The following PRTFDC1 variants were observed in gnomAD, a reference collection of about 807,000 sequenced individuals.
The protein encoded by PRTFDC1 is phosphoribosyltransferase domain-containing protein 1.
Under a neutral mutation model 34.6 loss-of-function variants are expected in PRTFDC1, and 38 were observed. That is an observed-to-expected ratio of 1.10 (90% CI 0.85 to 1.44). PRTFDC1 has a LOEUF of 1.44. Ranked by LOEUF, PRTFDC1 falls within the 40% of genes most tolerant of loss-of-function variation. The probability of loss-of-function intolerance (pLI) is 0.00; values close to 1 mark genes in which losing one functional copy is unlikely to be tolerated. For missense variants in PRTFDC1, 270 were observed against 283.0 expected (o/e 0.95, Z 0.33); for synonymous variants, 93 against 98.1 (o/e 0.95, Z 0.31).
chr10:24,923,123 G>A (rs534703626), intron 3 of PRTFDC1, among the ~76,000 whole-genome samples: 1 of 152,336 alleles, frequency 6.6e-6, no homozygotes, highest in South Asian at 2.1e-4. Context: ...TGAGGCTTCA[G>A]TATGTAAACA....
chr10:24,952,568 C>G lies in PRTFDC1; in HGVS notation c.8G>C (p.Gly3Ala), dbSNP rs763317523. 1.9e-6 allele frequency: 3 copies of G among 1,591,200 alleles called. No homozygotes were observed. The highest frequency in any genetic ancestry group is 2.6e-6 in the Non-Finnish European group (3 of 1,168,876). The change falls in exon 1 of 9, where the codon GGG becomes GCG. Residue 3 changes from glycine (G) to alanine (A), a missense_variant. Coordinates refer to ENST00000320152, the MANE Select transcript of PRTFDC1 (RefSeq NM_020200.7). The surrounding 1 kb of genome is among the most constrained non-coding windows in gnomAD (Gnocchi z 5.1). ...GTAGTCTGGCGCCTCCTCGCTGCTCCCGGCCATGTTTCTCCCGGGGAACGC... is the reference window on the plus strand; with the variant it reads ...GTAGTCTGGCGCCTCCTCGCTGCTCGCGGCCATGTTTCTCCCGGGGAACGC... MA[G>A]SSEEAPDYGR...
intron 3 of PRTFDC1, among the ~76,000 whole-genome samples, chr10:24,897,183 C>T (rs1848381880): frequency 6.6e-6 from 1 of 152,018 alleles, no homozygotes; most frequent in Non-Finnish European, 1.5e-5. Context: ...ATACTCCAGC[C>T]TGACAGAGCA....
intron 1 of PRTFDC1, among the ~76,000 whole-genome samples, chr10:24,949,936 G>A (rs542859677): frequency 2.0e-5 from 3 of 152,078 alleles, no homozygotes; most frequent in African/African-American, 7.2e-5. Context: ...GTTTTACGAT[G>A]TTGGTCAGGA....
chr10:24,938,573 C>T (rs539308914), intron 2 of PRTFDC1, among the ~76,000 whole-genome samples: 1 of 152,332 alleles, frequency 6.6e-6, no homozygotes, highest in South Asian at 2.1e-4. Context: ...AAATGGTCAC[C>T]TTGGTGGCAG....
intron 3 of PRTFDC1, among the ~76,000 whole-genome samples, chr10:24,885,169 T>G (rs557518943): frequency 1.3e-5 from 2 of 152,202 alleles, no homozygotes; most frequent in Non-Finnish European, 2.9e-5. Flanking sequence ...CAGCAAAGGG[T>G]ATGTGGATCT....
intron 1 of PRTFDC1, among the ~76,000 whole-genome samples, chr10:24,949,265 T>C (rs907460760): frequency 2.6e-5 from 4 of 152,090 alleles, no homozygotes; most frequent in African/African-American, 9.7e-5. Context: ...AAGTTTTGTA[T>C]TTTTTGTAGA....
intron 3 of PRTFDC1, among the ~76,000 whole-genome samples, chr10:24,887,134 C>T (rs1420527583): frequency 3.3e-5 from 5 of 150,874 alleles, no homozygotes; most frequent in Admixed American, 6.6e-5. Context: ...CCGCGCCCGG[C>T]TAATTTTTTG....
intron 3 of PRTFDC1, among the ~76,000 whole-genome samples, chr10:24,910,666 T>G (rs1848613019): frequency 6.6e-6 from 1 of 152,188 alleles, no homozygotes; most frequent in Non-Finnish European, 1.5e-5. Flanking sequence ...CAAGCCCACT[T>G]ATTTCACTAT....
At chr10:24,857,626 C>G (rs914611453) in intron 5 of PRTFDC1, among the ~76,000 whole-genome samples, 3 of 152,304 alleles carry the variant, frequency 2.0e-5, no homozygotes, top group African/African-American at 7.2e-5. Flanking sequence ...ATCAAAACAA[C>G]AGGTCTGAAT....
chr10:24,905,269 T>C (rs1356668408), intron 3 of PRTFDC1, among the ~76,000 whole-genome samples: 1 of 150,746 alleles, frequency 6.6e-6, no homozygotes, highest in Non-Finnish European at 1.5e-5. Flanking sequence ...GTCGAGACCA[T>C]GCCACTGCCC....
At chr10:24,878,866 A>C (rs1848016354) in intron 3 of PRTFDC1, among the ~76,000 whole-genome samples, 1 of 152,114 alleles carries the variant, frequency 6.6e-6, no homozygotes, top group Non-Finnish European at 1.5e-5. Context: ...CTTGCTTCAA[A>C]ATCTCTACAC....
At position 24,873,735 on chromosome 10, in the gene PRTFDC1, C is replaced by T. The variant is rs75453754; in HGVS notation, c.340-1672G>A. Among the ~76,000 whole-genome samples, 60 of 152,174 alleles carry T rather than the reference C, an allele frequency of 3.9e-4. No homozygotes were observed. In the East Asian group the frequency reaches 0.011, roughly 29 times the overall value. On this transcript the variant is annotated intron_variant, in intron 3 of 8. Coordinates refer to ENST00000320152, the MANE Select transcript of PRTFDC1 (RefSeq NM_020200.7). Reference sequence around the variant, plus strand: ...TGGGCTGGTTTGAATTGGATTCTCTCACTTGTAACTGTGTCTCTATCTAGA... The same window carrying T: ...TGGGCTGGTTTGAATTGGATTCTCTTACTTGTAACTGTGTCTCTATCTAGA...
intron 3 of PRTFDC1, chr10:24,908,288 G>A: frequency 1.7e-6 from 1 of 591,692 alleles, no homozygotes; most frequent in Non-Finnish European, 2.8e-6. Flanking sequence ...TAAAGAACTA[G>A]AAGACTACCA....
At chr10:24,850,589 G>A (rs973730789) in intron 8 of PRTFDC1, among the ~76,000 whole-genome samples, 12 of 152,142 alleles carry the variant, frequency 7.9e-5, no homozygotes, top group Admixed American at 3.9e-4. Context: ...CTATGATTGC[G>A]TCACTGCACT....
chr10:24,890,259 A>G (rs535536000), intron 3 of PRTFDC1, among the ~76,000 whole-genome samples: 70 of 152,348 alleles, frequency 4.6e-4, no homozygotes, highest in African/African-American at 1.7e-3. Flanking sequence ...ATTGAGTACC[A>G]TAGTCTAGGC....
intron 3 of PRTFDC1, among the ~76,000 whole-genome samples, chr10:24,896,344 G>A (rs1313137003): frequency 2.6e-5 from 4 of 152,188 alleles, no homozygotes; most frequent in Admixed American, 1.3e-4. Flanking sequence ...ATCTGAGGTG[G>A]AAGAGTTTCA....
At chr10:24,893,428 A>G (rs1399661186) in intron 3 of PRTFDC1, among the ~76,000 whole-genome samples, 1 of 152,094 alleles carries the variant, frequency 6.6e-6, no homozygotes, top group Non-Finnish European at 1.5e-5. Context: ...AGCTGGGACT[A>G]CAGGCGAGTG....
At position 24,865,660 on chromosome 10, in the gene PRTFDC1, A is replaced by C. The variant is rs566405585; in HGVS notation, c.405+6338T>G. ...AAAGAAAGGAAGAAAGAAGAAAAGA[A>C]GGGAGGAAAGAATTGCACAAACCTA... On this transcript the variant is annotated intron_variant, in intron 4 of 8. Transcript: ENST00000320152. Among the ~76,000 whole-genome samples the C allele has an allele frequency of 2.6e-5, 4 of 152,342 alleles. No homozygotes were observed. In the South Asian group the frequency reaches 8.3e-4, roughly 32 times the overall value.
At chr10:24,939,623 T>C (rs1849117905) in intron 2 of PRTFDC1, among the ~76,000 whole-genome samples, 2 of 151,500 alleles carry the variant, frequency 1.3e-5, no homozygotes, top group African/African-American at 2.4e-5. Flanking sequence ...TGAAACCCCA[T>C]CTCTACTAAA....
Sources: gnomAD v4.1 joint callset for allele counts (sites outside exome capture counted in the v4.1 genomes callset) on GRCh38, gnomAD v4.1.1 for gene constraint, Gnocchi (gnomAD v3.1) non-coding constraint, MANE v1.5 for transcripts, NCBI Gene and HGNC (gene_info 2026-07-23, HGNC 2026-07-21) for gene names.